PCDHA9: variants seen among roughly 807,000 people sequenced by gnomAD.
PCDHA9 encodes protocadherin alpha 9.
PCDHA9 carries 62 observed loss-of-function variants against 62.0 expected under a neutral mutation model. That is an observed-to-expected ratio of 1.00 (90% CI 0.81 to 1.23). The LOEUF (loss-of-function observed/expected upper bound fraction) is 1.23, where lower values mean the gene tolerates loss of function less well. Ranked by LOEUF, PCDHA9 falls within the 50% of genes most tolerant of loss-of-function variation. PCDHA9 has a pLI of 0.00. For synonymous variants in PCDHA9, 557 were observed against 567.6 expected (o/e 0.98, Z 0.27); for missense variants, 1,205 against 1,249.8 (o/e 0.96, Z 0.54).
At position 140,987,008 on chromosome 5, in the gene PCDHA9, G is replaced by A. The variant is rs958548514; in HGVS notation, c.2542+4445G>A. 2.6e-5 allele frequency among the ~76,000 whole-genome samples: 4 copies of A among 152,260 alleles called. No individual in the cohort carries two copies. The South Asian group carries it at 6.2e-4, about 24-fold the overall frequency. On this transcript the variant is annotated intron_variant, in intron 3 of 3. Transcript: ENST00000532602. ...GCAGGCAGATCACTTGAGGTCATGA[G>A]TTCGAGACCAGCCTGGTCAACATGG... is the stretch of plus-strand genomic sequence containing the variant.
At chr5:140,876,368 CA>C in intron 1 of PCDHA9, 1 of 1,613,904 alleles carries the variant, frequency 6.2e-7, no homozygotes. Flanking sequence ...AATCCAGACA[CA>C]GGTGAAATTA....
chr5:140,885,051 A>G (rs2060446316), intron 1 of PCDHA9, among the ~76,000 whole-genome samples: 1 of 152,230 alleles, frequency 6.6e-6, no homozygotes, highest in Non-Finnish European at 1.5e-5. Context: ...TAATGTATAC[A>G]TATACCCACA....
At chr5:140,997,472 C>CACA (rs1386540010) in intron 3 of PCDHA9, among the ~76,000 whole-genome samples, 12 of 152,120 alleles carry the variant, frequency 7.9e-5, no homozygotes, top group Non-Finnish European at 1.8e-4. Context: ...GCAATTTTTA[C>CACA]ACAATGATAA....
chr5:140,907,932 A>T (rs1291390398), intron 1 of PCDHA9, among the ~76,000 whole-genome samples: 1 of 152,202 alleles, frequency 6.6e-6, no homozygotes, highest in Non-Finnish European at 1.5e-5. Context: ...GTCCATTCAC[A>T]TACCTTTTCC....
intron 1 of PCDHA9, among the ~76,000 whole-genome samples, chr5:140,873,677 T>A (rs1358245351): frequency 6.6e-6 from 1 of 152,212 alleles, no homozygotes; most frequent in African/African-American, 2.4e-5. Flanking sequence ...TTGTTTCTTT[T>A]TGAGATAGAG....
chr5:140,863,123 GCCACCGCCTGCTGGTGCTGGTGAAGGA>G, intron 1 of PCDHA9: 1 of 593,078 alleles, frequency 1.7e-6, no homozygotes, highest in Non-Finnish European at 3.3e-6. Context: ...AAAGCTACGC[GCCACCGCCTGCTGGTGCTGGTGAAGGA>G]CCACTGCGAG....
At chr5:140,860,513 C>A (rs1176536406) in intron 1 of PCDHA9, 3 of 152,110 alleles carry the variant, frequency 2.0e-5, no homozygotes, top group African/African-American at 7.2e-5. Context: ...AGATAAAACT[C>A]TTCATGGAAT....
intron 1 of PCDHA9, chr5:140,884,138 G>T (rs782798249): frequency 6.2e-7 from 1 of 1,613,410 alleles, no homozygotes; most frequent in Admixed American, 1.7e-5. Context: ...CCCGTTCCGC[G>T]TGGGGCTGTA....
chr5:140,859,790 A>C (rs1023981970), intron 1 of PCDHA9: 1 of 152,502 alleles, frequency 6.6e-6, no homozygotes, highest in Non-Finnish European at 1.5e-5. Context: ...AGCTCTTAGA[A>C]ATTATAGATG....
At chr5:141,002,956 G>C (rs782632089) in intron 3 of PCDHA9, among the ~76,000 whole-genome samples, 6 of 152,230 alleles carry the variant, frequency 3.9e-5, no homozygotes, top group Non-Finnish European at 7.3e-5. Context: ...GCCCCTCTGA[G>C]AGCTTTCCTG....
intron 3 of PCDHA9, among the ~76,000 whole-genome samples, chr5:140,994,802 C>T (rs541054161): frequency 7.9e-5 from 12 of 152,066 alleles, no homozygotes; most frequent in Non-Finnish European, 1.6e-4. Flanking sequence ...CATGCAAAAA[C>T]AAAATACAAA....
chr5:140,860,441 A>T (rs1038700248), intron 1 of PCDHA9: 3 of 152,166 alleles, frequency 2.0e-5, no homozygotes, highest in African/African-American at 4.8e-5. Context: ...GATCTTTTTC[A>T]TATTAATTCA....
intron 1 of PCDHA9, among the ~76,000 whole-genome samples, chr5:140,890,293 A>G (rs1423277316): frequency 6.6e-6 from 1 of 152,196 alleles, no homozygotes; most frequent in African/African-American, 2.4e-5. Flanking sequence ...AGTCAGAACC[A>G]GGAGAGGTAA....
Position 140,850,704 on chromosome 5 carries a change from C to G in PCDHA9, c.2209C>G (p.Pro737Ala), listed in dbSNP as rs2041773068. 2 of 1,598,020 alleles carry G rather than the reference C, an allele frequency of 1.3e-6. No individual in the cohort carries two copies. Among genetic ancestry groups the G allele is most frequent in the Admixed American group, 3.4e-5 (2 of 59,254 alleles). Reference sequence around the variant, plus strand: ...CGAGGGCGAGTGCGCGCCTGGCAAGCCGACGCTGGTGTGTTCTAGCGCGGT... The same window carrying G: ...CGAGGGCGAGTGCGCGCCTGGCAAGGCGACGCTGGTGTGTTCTAGCGCGGT... ...PTEGECAPGK[P>A]TLVCSSAVGS... Residue 737 changes from proline to alanine, a missense_variant, in exon 1 of 4, where the codon CCG (proline) becomes GCG (alanine). Transcript: ENST00000532602.
intron 1 of PCDHA9, among the ~76,000 whole-genome samples, chr5:140,878,707 A>C (rs1450914173): frequency 2.0e-5 from 3 of 152,232 alleles, no homozygotes; most frequent in Non-Finnish European, 4.4e-5. Context: ...GCCTGGTAGT[A>C]AAGGCATTAA....
At position 140,849,764 on chromosome 5, in the gene PCDHA9, G is replaced by A; in HGVS notation, c.1269G>A (p.Leu423=). 1 of 1,598,518 alleles carries A rather than the reference G, an allele frequency of 6.3e-7. No individual in the cohort carries two copies. The highest frequency in any genetic ancestry group is 1.1e-5 in the South Asian group (1 of 90,552). The change falls in exon 1 of 4, where the codon CTG becomes CTA. Residue 423 remains leucine (L), a synonymous_variant. Transcript: ENST00000532602. ...LDRESVSAYE[L]VVTARDGGSP... ...GCGAGAGTGTGTCCGCCTACGAGCT[G>A]GTGGTTACCGCGCGGGACGGGGGCT... is the stretch of plus-strand genomic sequence containing the variant.
intron 1 of PCDHA9, chr5:140,862,764 G>A (rs375357178): frequency 5.0e-5 from 29 of 577,184 alleles, no homozygotes; most frequent in Middle Eastern, 5.6e-4. Flanking sequence ...GCGGCAAGAG[G>A]TACGCGTTGC....
chr5:140,882,735 G>C, intron 1 of PCDHA9: 1 of 1,614,216 alleles, frequency 6.2e-7, no homozygotes, highest in Non-Finnish European at 8.5e-7. Flanking sequence ...CCACTAGATG[G>C]CGCATCCGAT....
intron 1 of PCDHA9, among the ~76,000 whole-genome samples, chr5:140,893,957 G>T (rs1308768731): frequency 1.3e-5 from 2 of 152,100 alleles, no homozygotes; most frequent in African/African-American, 4.8e-5. Context: ...GACTTTATTA[G>T]TCATTAGATA....
Sources: allele counts gnomAD v4.1 joint callset (sites outside exome capture counted in the v4.1 genomes callset), GRCh38; gene constraint gnomAD v4.1.1; transcripts MANE v1.5; gene names NCBI Gene and HGNC (gene_info 2026-07-23, HGNC 2026-07-21).